Variants in SYCP1 observed in about 807,000 individuals in gnomAD.
The protein encoded by SYCP1 is cancer/testis antigen 8.
SYCP1 carries 64 observed loss-of-function variants against 153.1 expected under a neutral mutation model. The ratio of observed to expected loss-of-function variants is 0.42; its 90% CI spans 0.34 to 0.51. The LOEUF is 0.51. Among genes scored for constraint, SYCP1 ranks in the 20% least tolerant of loss-of-function variants. The pLI is 0.06. For synonymous variants in SYCP1, 384 were observed against 341.8 expected (o/e 1.12, Z -1.36); for missense variants, 997 against 1,049.0 (o/e 0.95, Z 0.68).
At chr1:114,974,403 C>A (rs186139046) in intron 27 of SYCP1, among the ~76,000 whole-genome samples, 1 of 151,966 alleles carries the variant, frequency 6.6e-6, no homozygotes, top group African/African-American at 2.4e-5. Flanking sequence ...ATGTACAGTT[C>A]AGCAGTGTTA....
At chr1:114,931,164 A>C (rs1015250364) in intron 23 of SYCP1, among the ~76,000 whole-genome samples, 3 of 152,076 alleles carry the variant, frequency 2.0e-5, no homozygotes, top group African/African-American at 7.2e-5. Context: ...AAATACCTAC[A>C]GTTAGCATCC....
intron 15 of SYCP1, among the ~76,000 whole-genome samples, chr1:114,892,045 GGTA>G (rs1666741594): frequency 6.6e-6 from 1 of 152,180 alleles, no homozygotes; most frequent in Non-Finnish European, 1.5e-5. Context: ...CAGCTGTGGT[GGTA>G]GTGGCAGGCC....
At chr1:114,864,559 G>A (rs924116753) in intron 8 of SYCP1, among the ~76,000 whole-genome samples, 1 of 151,924 alleles carries the variant, frequency 6.6e-6, no homozygotes, top group African/African-American at 2.4e-5. Context: ...TTCCATCTTG[G>A]CTCACCATAA....
chr1:114,977,613 CAAGGT>C lies in SYCP1; in HGVS notation c.2382+1_2382+5del. The stretch of plus-strand genomic sequence containing the variant: ...CAGCTACTCTTAAAGAAAAAAAAGA[CAAGGT>C]AAGAGCATATAATTCTCATAGTTTT... On this transcript the variant is annotated splice_donor_variant and coding_sequence_variant, in exon 28 of 32. Transcript: ENST00000369522. LOFTEE classifies it high-confidence loss of function. 1.3e-6 allele frequency: 2 copies of C among 1,497,264 alleles called. No homozygotes were observed. Among genetic ancestry groups the C allele is most frequent in the Non-Finnish European group, 1.8e-6 (2 of 1,116,202 alleles). The allele number at this position is 1,497,264 out of a possible 1,614,324, so 92.7% of individuals were successfully genotyped here.
chr1:114,886,389 G>A lies in SYCP1; in HGVS notation c.1190+80G>A. 2.4e-6 allele frequency: 3 copies of A among 1,244,042 alleles called. No homozygotes were observed. In the South Asian group the frequency reaches 5.6e-5, roughly 23 times the overall value. 77.1% of individuals were successfully genotyped at this position (1,244,042 alleles called of 1,614,324 possible). A position where few individuals can be genotyped will look rare whatever the true frequency, so the allele number is the denominator to read the frequency against. ...TTTAATATTCAATGCCATTTTCTTTGCATTGCCAACTGATGTGTGTAATTC... is the reference window on the plus strand; with the variant it reads ...TTTAATATTCAATGCCATTTTCTTTACATTGCCAACTGATGTGTGTAATTC... On this transcript the variant is annotated intron_variant, in intron 14 of 31. Coordinates refer to ENST00000369522, the MANE Select transcript of SYCP1 (RefSeq NM_003176.4).
At chr1:114,932,550 G>T (rs1669701128) in intron 23 of SYCP1, among the ~76,000 whole-genome samples, 1 of 152,178 alleles carries the variant, frequency 6.6e-6, no homozygotes, top group African/African-American at 2.4e-5. Context: ...TCCCACTGGG[G>T]CTTGTCGGAC....
intron 18 of SYCP1, 89 bp downstream of exon 18, chr1:114,911,671 T>C: frequency 1.8e-6 from 1 of 557,382 alleles, no homozygotes; most frequent in Non-Finnish European, 2.6e-6. Flanking sequence ...TTATATTTAA[T>C]ATTTATTTGA....
intron 23 of SYCP1, among the ~76,000 whole-genome samples, chr1:114,941,336 A>G (rs1394800008): frequency 6.6e-6 from 1 of 152,146 alleles, no homozygotes; most frequent in Non-Finnish European, 1.5e-5. Flanking sequence ...CTTTATCTCT[A>G]GTAGAGATAA....
intron 27 of SYCP1, among the ~76,000 whole-genome samples, chr1:114,959,482 G>A (rs1393322970): frequency 6.6e-6 from 1 of 152,004 alleles, no homozygotes; most frequent in Admixed American, 6.6e-5. Flanking sequence ...TATTTATGGG[G>A]TGTATGGGAT....
intron 23 of SYCP1, among the ~76,000 whole-genome samples, chr1:114,942,249 T>C (rs1670436289): frequency 6.6e-6 from 1 of 152,032 alleles, no homozygotes; most frequent in South Asian, 2.1e-4. Context: ...AGTATTTTCA[T>C]GGGCTAAGAA....
chr1:114,871,816 C>T (rs1301465379), intron 8 of SYCP1, among the ~76,000 whole-genome samples: 3 of 152,168 alleles, frequency 2.0e-5, no homozygotes, highest in Non-Finnish European at 4.4e-5. Context: ...GAACTCCTGA[C>T]CTCAAGTGAT....
chr1:114,911,989 G>A (rs1000719408), intron 18 of SYCP1, among the ~76,000 whole-genome samples: 1 of 151,960 alleles, frequency 6.6e-6, no homozygotes, highest in Non-Finnish European at 1.5e-5. Context: ...TACCTACTCA[G>A]TAAGTTTAAT....
chr1:114,860,512 AACTTTT>A (rs1428399193), intron 7 of SYCP1, among the ~76,000 whole-genome samples: 1 of 152,090 alleles, frequency 6.6e-6, no homozygotes, highest in African/African-American at 2.4e-5. Context: ...CAGTTACTAG[AACTTTT>A]ACTTTTAAAG....
intron 16 of SYCP1, among the ~76,000 whole-genome samples, chr1:114,907,488 T>C (rs1667889740): frequency 6.6e-6 from 1 of 152,200 alleles, no homozygotes; most frequent in Non-Finnish European, 1.5e-5. Context: ...CTTCTCTGCA[T>C]TTATTTTTGT....
intron 23 of SYCP1, among the ~76,000 whole-genome samples, chr1:114,934,086 A>T (rs906571545): frequency 4.6e-5 from 7 of 152,168 alleles, no homozygotes; most frequent in Non-Finnish European, 7.3e-5. Context: ...CCTCGAGAAG[A>T]GCAACTCCAA....
intron 15 of SYCP1, among the ~76,000 whole-genome samples, chr1:114,888,425 A>T (rs1477932617): frequency 1.3e-5 from 2 of 152,008 alleles, no homozygotes; most frequent in Non-Finnish European, 2.9e-5. Flanking sequence ...TATCAACTAA[A>T]ATATTATCTA....
intron 27 of SYCP1, among the ~76,000 whole-genome samples, chr1:114,951,119 C>T (rs971642049): frequency 6.6e-6 from 1 of 152,046 alleles, no homozygotes; most frequent in Non-Finnish European, 1.5e-5. Flanking sequence ...CCACCACGCC[C>T]GGCCTAAATT....
At chr1:114,941,152 A>T (rs1021474529) in intron 23 of SYCP1, among the ~76,000 whole-genome samples, 1 of 152,106 alleles carries the variant, frequency 6.6e-6, no homozygotes, top group Non-Finnish European at 1.5e-5. Context: ...CCCTCCATAT[A>T]TGTGAGTTTC....
intron 27 of SYCP1, among the ~76,000 whole-genome samples, chr1:114,954,051 GA>G (rs976798142): frequency 3.5e-5 from 5 of 144,790 alleles, no homozygotes; most frequent in Non-Finnish European, 7.9e-5. Flanking sequence ...GAAAAAAATA[GA>G]CATTTGTTCT....
Sources: gnomAD v4.1 joint callset for allele counts (sites outside exome capture counted in the v4.1 genomes callset) on GRCh38, gnomAD v4.1.1 for gene constraint, MANE v1.5 for transcripts, NCBI Gene and HGNC (gene_info 2026-07-23, HGNC 2026-07-21) for gene names.